Variants in PARG observed in about 807,000 individuals in gnomAD.
PARG encodes mitochondrial poly(ADP-ribose) glycohydrolase.
In PARG, 35 loss-of-function variants were observed where a neutral mutation model predicts 113.0. The ratio of observed to expected loss-of-function variants is 0.31; its 90% confidence interval spans 0.24 to 0.41. The LOEUF (loss-of-function observed/expected upper bound fraction) is 0.41, where lower values mean the gene tolerates loss of function less well. Ranked by LOEUF, PARG falls within the 10% of genes least tolerant of loss-of-function variation. The pLI is 1.00. For synonymous variants in PARG, 330 were observed against 409.9 expected, an observed-to-expected ratio of 0.81 and a Z score of 2.36; for missense variants, 797 against 1,169.4, an observed-to-expected ratio of 0.68 and a Z score of 4.64.
intron 15 of PARG, among the ~76,000 whole-genome samples, chr10:49,835,486 G>C (rs545063099): frequency 1.6e-4 from 25 of 152,166 alleles, no homozygotes; most frequent in Non-Finnish European, 2.9e-4. Context: ...TGATGGGAAG[G>C]GAAGAAGACA....
intron 15 of PARG, 54 bp from the exon 16 acceptor site, chr10:49,832,962 TTCTGACTG>T: frequency 1.5e-5 from 13 of 895,976 alleles, no homozygotes; most frequent in Non-Finnish European, 2.3e-5. Flanking sequence ...CTAACAGTGT[TTCTGACTG>T]ATGTACTAGG....
At chr10:49,926,558 TCTGA>T (rs1431638673) in intron 4 of PARG, among the ~76,000 whole-genome samples, 3 of 152,196 alleles carry the variant, frequency 2.0e-5, no homozygotes, top group Non-Finnish European at 2.9e-5. Context: ...AAGACTGAAC[TCTGA>T]CTGACGTTCT....
At chr10:49,845,284 T>C (rs1845452801) in intron 13 of PARG, among the ~76,000 whole-genome samples, 1 of 152,180 alleles carries the variant, frequency 6.6e-6, no homozygotes, top group African/African-American at 2.4e-5. Flanking sequence ...AAACAAATAC[T>C]GAAAATGTGT....
At chr10:49,874,740 G>C (rs2132599750) in intron 9 of PARG, among the ~76,000 whole-genome samples, 1 of 150,212 alleles carries the variant, frequency 6.7e-6, no homozygotes, top group African/African-American at 2.4e-5. Context: ...TGTAGTCCCA[G>C]CTACTAGGGA....
Position 49,852,448 on chromosome 10 carries a change from G to T in PARG, c.2353+4858C>A, listed in dbSNP as rs1382434265. On this transcript the variant is annotated intron_variant, in intron 13 of 17. Coordinates refer to ENST00000616448, the MANE Select transcript of PARG (RefSeq NM_003631.5). The stretch of plus-strand genomic sequence containing the variant: ...TGGGGACAAATTATCTTTAAAAAAA[G>T]AAAATATTCTTATGTTTTCCTTTTA... Among the ~76,000 whole-genome samples the T allele has an allele frequency of 6.1e-4, 93 of 151,632 alleles. 1 individual carries two copies. The highest frequency in any genetic ancestry group is 1.4e-3 in the African/African-American group (59 of 41,326).
chr10:49,824,288 AC>A (rs1161584779), intron 16 of PARG, among the ~76,000 whole-genome samples: 2 of 149,452 alleles, frequency 1.3e-5, no homozygotes, highest in African/African-American at 2.5e-5. Flanking sequence ...TGTCTACAAC[AC>A]CCCCAAGATC....
At chr10:49,847,912 G>C (rs1395794117) in intron 13 of PARG, among the ~76,000 whole-genome samples, 17 of 145,576 alleles carry the variant, frequency 1.2e-4, no homozygotes, top group African/African-American at 3.6e-4. Context: ...GTAAACTGGT[G>C]AATCTGAGTA....
rs374521276 is a variant in PARG at position 49,889,242 on chromosome 10, T to G, written c.1738-3947A>C. 7.9e-5 allele frequency among the ~76,000 whole-genome samples: 12 copies of G among 152,292 alleles called. No individual in the cohort carries two copies. In the East Asian group the frequency reaches 2.3e-3, roughly 29 times the overall value. On this transcript the variant is annotated intron_variant, in intron 7 of 17. Coordinates refer to ENST00000616448, the MANE Select transcript of PARG (RefSeq NM_003631.5). ...AGTTGAGATTTTCCTGATTCTTTTC[T>G]GGTCATGAGGGACATTTTGTTGAAA...
chr10:49,903,283 A>G (rs1848427245), intron 7 of PARG, among the ~76,000 whole-genome samples: 1 of 152,102 alleles, frequency 6.6e-6, no homozygotes. Flanking sequence ...GTCTCTGGAA[A>G]AAAAATAAAC....
intron 7 of PARG, among the ~76,000 whole-genome samples, chr10:49,903,650 G>A (rs1248658359): frequency 2.0e-5 from 3 of 151,958 alleles, no homozygotes; most frequent in African/African-American, 7.3e-5. Flanking sequence ...TTTAGTAGCG[G>A]CTGAGAGGAC....
rs1193757101 is a variant in PARG at position 49,930,572 on chromosome 10, A to G, written c.1455+1528T>C. ...AGGCACTGTTTTCCATTTCTAAAAC[A>G]GATAGTTTTCAACCACACAGCCTTT... On this transcript the variant is annotated intron_variant, in intron 4 of 17. Coordinates refer to ENST00000616448, the MANE Select transcript of PARG (RefSeq NM_003631.5). Among the ~76,000 whole-genome samples, 31 of 152,346 alleles carry G rather than the reference A, an allele frequency of 2.0e-4. No individual in the cohort carries two copies. In the East Asian group the frequency reaches 6.0e-3, roughly 29 times the overall value.
At chr10:49,931,370 A>G (rs1450100120) in intron 4 of PARG, among the ~76,000 whole-genome samples, 1 of 152,046 alleles carries the variant, frequency 6.6e-6, no homozygotes, top group Non-Finnish European at 1.5e-5. Flanking sequence ...ATGGTTTAGG[A>G]GTCATGCAGC....
At chr10:49,866,027 A>T (rs1181286972) in intron 10 of PARG, among the ~76,000 whole-genome samples, 2 of 132,180 alleles carry the variant, frequency 1.5e-5, no homozygotes, top group African/African-American at 2.7e-5. Flanking sequence ...CAGAACAAAG[A>T]TGACATATTT....
intron 16 of PARG, among the ~76,000 whole-genome samples, chr10:49,823,569 C>T (rs1289327343): frequency 6.6e-6 from 1 of 152,126 alleles, no homozygotes; most frequent in Non-Finnish European, 1.5e-5. Context: ...GCTCAACCAA[C>T]TTATCCATAC....
chr10:49,919,308 G>A (rs1449483728), intron 6 of PARG, among the ~76,000 whole-genome samples: 1 of 152,142 alleles, frequency 6.6e-6, no homozygotes, highest in Non-Finnish European at 1.5e-5. Context: ...CTGTTTAGAA[G>A]AATAAAAATA....
chr10:49,836,790 T>C (rs1844957442), intron 15 of PARG, among the ~76,000 whole-genome samples: 1 of 152,108 alleles, frequency 6.6e-6, no homozygotes, highest in South Asian at 2.1e-4. Flanking sequence ...TGGTGAATAA[T>C]AACAAAAACA....
chr10:49,836,751 G>A (rs1382570970), intron 15 of PARG, among the ~76,000 whole-genome samples: 2 of 152,090 alleles, frequency 1.3e-5, no homozygotes, highest in Non-Finnish European at 2.9e-5. Context: ...TCAGGCTTTG[G>A]TTTAATAACA....
chr10:49,876,678 G>C (rs1311768249), intron 9 of PARG, among the ~76,000 whole-genome samples: 2 of 152,186 alleles, frequency 1.3e-5, no homozygotes, highest in South Asian at 4.2e-4. Flanking sequence ...GAAAAGAGAA[G>C]GGCATCTGTG....
At chr10:49,913,089 C>T (rs1463573691) in intron 7 of PARG, among the ~76,000 whole-genome samples, 3 of 152,330 alleles carry the variant, frequency 2.0e-5, no homozygotes, top group South Asian at 2.1e-4. Context: ...TCTTTTCTTC[C>T]ACCAATCCCA....
Sources: gnomAD v4.1 joint callset for allele counts (sites outside exome capture counted in the v4.1 genomes callset) on GRCh38, gnomAD v4.1.1 for gene constraint, MANE v1.5 for transcripts, NCBI Gene and HGNC (gene_info 2026-07-23, HGNC 2026-07-21) for gene names.